The following DNMBP variants were observed in gnomAD, a reference collection of about 807,000 sequenced individuals.
DNMBP encodes dynamin-binding protein.
A neutral mutation model predicts 150.0 loss-of-function variants in DNMBP; 87 were observed. The observed-to-expected ratio is 0.58, with a 90% CI of 0.49 to 0.69. The LOEUF is 0.69. DNMBP is among the 30% of genes least tolerant of loss of function. The pLI is 0.00. For synonymous variants in DNMBP, 711 were observed against 750.4 expected, an observed-to-expected ratio of 0.95 and a Z score of 0.86; for missense variants, 1,774 against 1,949.0, an observed-to-expected ratio of 0.91 and a Z score of 1.69.
Position 99,889,309 on chromosome 10 carries a change from C to G in DNMBP, c.3157-356G>C, listed in dbSNP as rs79420479. 834 of 164,938 alleles carry G rather than the reference C, an allele frequency of 5.1e-3. 21 individuals are homozygous for G. The highest frequency in any genetic ancestry group is 0.032 in the East Asian group (178 of 5,536). 10.2% of individuals were successfully genotyped at this position (164,938 alleles called of 1,614,324 possible). On this transcript the variant is annotated intron_variant, in intron 11 of 16. Transcript: ENST00000324109. ...TAATGACCAGTCACCTCTCCTTCCTCAAGTCTTGGTTCATGCTGTCGCCAT... is the reference window on the plus strand; with the variant it reads ...TAATGACCAGTCACCTCTCCTTCCTGAAGTCTTGGTTCATGCTGTCGCCAT...
chr10:99,968,092 G>A (rs2040638094), intron 3 of DNMBP, among the ~76,000 whole-genome samples: 1 of 152,060 alleles, frequency 6.6e-6, no homozygotes, highest in East Asian at 1.9e-4. Flanking sequence ...GCTCACTGAC[G>A]CTTCCAACTC....
chr10:99,957,731 G>T (rs1314853288), intron 3 of DNMBP: 1 of 156,904 alleles, frequency 6.4e-6, no homozygotes, highest in African/African-American at 2.4e-5. Flanking sequence ...AGCTATTCAG[G>T]AGGCTGAGGT....
intron 3 of DNMBP, among the ~76,000 whole-genome samples, chr10:99,964,591 C>A (rs2133345256): frequency 6.6e-6 from 1 of 151,662 alleles, no homozygotes; most frequent in South Asian, 2.1e-4. Flanking sequence ...TAACTCGAGG[C>A]CAGGCGTGGT....
chr10:99,893,562 C>T (rs1264564188), intron 11 of DNMBP, among the ~76,000 whole-genome samples: 1 of 152,272 alleles, frequency 6.6e-6, no homozygotes, highest in Non-Finnish European at 1.5e-5. Flanking sequence ...GATGACACCC[C>T]GTCTCTATTA....
At position 99,896,264 on chromosome 10, in the gene DNMBP, C is replaced by T. The variant is rs960005771; in HGVS notation, c.3051+3G>A. 31 of 1,613,974 alleles carry T rather than the reference C, an allele frequency of 1.9e-5. No individual in the cohort carries two copies. The highest frequency in any genetic ancestry group is 2.6e-5 in the Non-Finnish European group (31 of 1,179,886). ...GCTAAGCCTTCCAGGATGGGGATCT[C>T]ACCTGAGGAGCAAAGCCAGTGAGAT... On this transcript the variant is annotated splice_donor_region_variant and intron_variant, in intron 10 of 16. Coordinates refer to ENST00000324109, the MANE Select transcript of DNMBP (RefSeq NM_015221.4).
At position 99,876,927 on chromosome 10, in the gene DNMBP, T is replaced by G; in HGVS notation, c.*224A>C. 1 of 451,054 alleles carries G rather than the reference T, an allele frequency of 2.2e-6. No individual in the cohort carries two copies. The allele number at this position is 451,054 out of a possible 1,614,324, so 27.9% of individuals were successfully genotyped here. On this transcript the variant is annotated 3_prime_UTR_variant, in exon 17 of 17. Transcript: ENST00000324109. The stretch of plus-strand genomic sequence containing the variant: ...TCTCTTCTCATAGTCACTAAGTCAT[T>G]TGCAAAGCCCCAGGGTCCATTTCAA...
At chr10:100,001,488 T>G (rs1019072925) in intron 1 of DNMBP, among the ~76,000 whole-genome samples, 3 of 140,044 alleles carry the variant, frequency 2.1e-5, no homozygotes, top group African/African-American at 7.9e-5. Context: ...CACAACTCAC[T>G]GCAACCTCCA....
rs754021828 is a variant in DNMBP at position 99,900,083 on chromosome 10, A to G, written c.2555-17T>C. The G allele has an allele frequency of 1.9e-6, 3 of 1,613,662 alleles. No homozygotes were observed. The highest frequency in any genetic ancestry group is 2.7e-5 in the African/African-American group (2 of 74,918). On this transcript the variant is annotated splice_polypyrimidine_tract_variant and intron_variant, in intron 6 of 16. Transcript: ENST00000324109. The stretch of plus-strand genomic sequence containing the variant: ...ACACAGGTCCTTTGGAATACACACA[A>G]ACATACAGTGTTTTTAGTAAACTTT...
intron 1 of DNMBP, among the ~76,000 whole-genome samples, chr10:99,973,841 C>G (rs1043429669): frequency 4.6e-5 from 7 of 152,188 alleles, no homozygotes; most frequent in Non-Finnish European, 7.3e-5. Flanking sequence ...ATCAGTCAGG[C>G]ACAGTGGCGG....
In DNMBP at chr10:99,955,902, C is replaced by G. The variant is rs1182625857; in HGVS notation, c.1572G>C (p.Lys524Asn). 6.2e-7 allele frequency: 1 copy of G among 1,614,048 alleles called. No homozygotes were observed. The highest frequency in any genetic ancestry group is 2.2e-5 in the East Asian group (1 of 44,862). Residue 524 changes from lysine to asparagine, a missense_variant, in exon 4 of 17, where the codon AAG becomes AAC. By Grantham distance (94) the Lys-to-Asn change is moderately conservative. This residue lies in a region of DNMBP where 1,430 missense variants were observed against 1,492.5 expected (regional missense o/e 0.96). Transcript: ENST00000324109. The part of the protein sequence containing the change: ...VYSISERLEM[K>N]PGPQAQGLVM... ...CAAGCCCTTGGGCTTGCGGACCAGG[C>G]TTCATCTCCAATCTCTCTGAGATGG...
chr10:99,898,889 TCTACTAAAAAATGTTAGCCCCGGC>T, intron 7 of DNMBP, 129 bp from the exon 8 acceptor site: 2 of 964,552 alleles, frequency 2.1e-6, no homozygotes, highest in Non-Finnish European at 3.2e-6. Context: ...ACATATTTAG[TCTACTAAAAAATGTTAGCCCCGGC>T]CAGGCATGGT....
At chr10:99,981,092 T>C (rs1341114559) in intron 1 of DNMBP, among the ~76,000 whole-genome samples, 1 of 152,172 alleles carries the variant, frequency 6.6e-6, no homozygotes, top group Non-Finnish European at 1.5e-5. Context: ...AAATGGTAAA[T>C]TTTATGTTAT....
Position 99,956,552 on chromosome 10 carries a change from T to A in DNMBP, c.922A>T (p.Thr308Ser). The A allele has an allele frequency of 6.2e-7, 1 of 1,614,120 alleles. No individual in the cohort carries two copies. The change falls in exon 4 of 17, where the codon ACC (threonine) becomes TCC (serine). Residue 308 changes from threonine (T) to serine (S), a missense_variant. Coordinates refer to ENST00000324109, the MANE Select transcript of DNMBP (RefSeq NM_015221.4). ...KLCPDTRVEE[T>S]MALPQEGSLA... ...CTGCCTTCCTGGGGCAGAGCCATGGTTTCCTCCACCCGTGTGTCAGGACAT... is the reference window on the plus strand; with the variant it reads ...CTGCCTTCCTGGGGCAGAGCCATGGATTCCTCCACCCGTGTGTCAGGACAT...
chr10:100,004,967 T>C (rs1384059852), intron 1 of DNMBP, among the ~76,000 whole-genome samples: 4 of 152,070 alleles, frequency 2.6e-5, no homozygotes, highest in Non-Finnish European at 5.9e-5. Context: ...GCCAAAGACA[T>C]GAATAAGCAA....
chr10:99,895,894 GC>G (rs1454705044), intron 10 of DNMBP, among the ~76,000 whole-genome samples: 2 of 152,106 alleles, frequency 1.3e-5, no homozygotes, highest in South Asian at 2.1e-4. Context: ...TTTCAGCATC[GC>G]CGATAAACTG....
intron 16 of DNMBP, among the ~76,000 whole-genome samples, chr10:99,877,891 G>A (rs1488259302): frequency 1.3e-5 from 2 of 152,098 alleles, no homozygotes; most frequent in Admixed American, 6.6e-5. Flanking sequence ...TTGGGAGGCT[G>A]AGGGCAGATC....
At position 99,969,108 on chromosome 10, in the gene DNMBP, A is replaced by C; in HGVS notation, c.268+7T>G. The C allele has an allele frequency of 6.2e-7, 1 of 1,613,820 alleles. No individual in the cohort carries two copies. The highest frequency in any genetic ancestry group is 8.5e-7 in the Non-Finnish European group (1 of 1,179,852). Reference sequence around the variant, plus strand: ...TCAAATAGTCTACTATTTGATGAGCAGCTTACCTCGATGGAGGGGAAGATT... The same window carrying C: ...TCAAATAGTCTACTATTTGATGAGCCGCTTACCTCGATGGAGGGGAAGATT... On this transcript the variant is annotated splice_region_variant and intron_variant, in intron 3 of 16. Transcript: ENST00000324109.
chr10:99,909,214 C>G, intron 4 of DNMBP, 68 bp from the exon 5 acceptor site: 1 of 1,284,924 alleles, frequency 7.8e-7, no homozygotes, highest in Non-Finnish European at 1.1e-6. Context: ...CAGTTTGAGG[C>G]AAACAGAACC....
At chr10:99,903,884 G>A (rs1373246254) in intron 6 of DNMBP, among the ~76,000 whole-genome samples, 1 of 151,612 alleles carries the variant, frequency 6.6e-6, no homozygotes, top group Non-Finnish European at 1.5e-5. Flanking sequence ...TATACTTAAT[G>A]GGTCACAGTC....
Sources: gnomAD v4.1 joint callset for allele counts (sites outside exome capture counted in the v4.1 genomes callset) on GRCh38, gnomAD v4.1.1 for gene constraint, gnomAD v4.1.1 regional missense constraint, MANE v1.5 for transcripts, NCBI Gene and HGNC (gene_info 2026-07-23, HGNC 2026-07-21) for gene names.